The following MLXIP variants were observed in gnomAD, a reference collection of about 807,000 sequenced individuals.
MLXIP encodes MLX interacting protein.
Under a neutral mutation model 87.2 loss-of-function variants are expected in MLXIP, and 30 were observed. That is an observed-to-expected ratio of 0.34 (90% CI 0.26 to 0.47). The LOEUF is 0.47. MLXIP is among the 20% of genes least tolerant of loss of function. MLXIP has a pLI of 1.00. For missense variants in MLXIP, 1,002 were observed against 1,240.1 expected (o/e 0.81, Z 2.88); for synonymous variants, 530 against 514.0 (o/e 1.03, Z -0.42).
At chr12:122,129,847 C>G in intron 5 of MLXIP, 94 bp from the exon 6 acceptor site, 2 of 1,487,802 alleles carry the variant, frequency 1.3e-6, no homozygotes, top group Non-Finnish European at 1.8e-6. Flanking sequence ...CACTGAGCAC[C>G]CCTTTGACGA....
chr12:122,116,019 C>A (rs28565123), intron 1 of MLXIP, among the ~76,000 whole-genome samples: 21,386 of 151,032 alleles, frequency 0.14, 1,926 homozygotes, highest in Non-Finnish European at 0.21. Flanking sequence ...CTGCTGCAAT[C>A]CAGCCTGGGT....
chr12:122,129,479 G>T lies in MLXIP; in HGVS notation c.697-109G>T. 3.1e-6 allele frequency: 4 copies of T among 1,270,304 alleles called. No homozygotes were observed. In the South Asian group the frequency reaches 5.1e-5, roughly 16 times the overall value. The allele number at this position is 1,270,304 out of a possible 1,614,324, so 78.7% of individuals were successfully genotyped here. On this transcript the variant is annotated intron_variant, in intron 4 of 16. Transcript: ENST00000319080. ...TTTGTGCAGGCATCGGCCTGGGGAT[G>T]GTGTGAGCAGGACCCCTACCTGCCT...
Position 122,133,417 on chromosome 12 carries a change from G to A in MLXIP, c.1162G>A (p.Ala388Thr), listed in dbSNP as rs753973791. The A allele has an allele frequency of 9.9e-6, 16 of 1,608,416 alleles. No individual in the cohort carries two copies. The highest frequency in any genetic ancestry group is 2.2e-5 in the East Asian group (1 of 44,684). Residue 388 changes from alanine to threonine, a missense_variant, in exon 9 of 17, where the codon GCC (alanine) becomes ACC (threonine). Physicochemically the swap from Ala to Thr is moderately conservative, Grantham distance 58. Coordinates refer to ENST00000319080, the MANE Select transcript of MLXIP (RefSeq NM_014938.6). The surrounding 1 kb of genome is among the most constrained non-coding windows in gnomAD (Gnocchi z 4.9). ...LPDSLIAPPT[A>T]PSLAHMDEQG... The stretch of plus-strand genomic sequence containing the variant: ...TGACAGCCTCATCGCGCCCCCTACC[G>A]CCCCATCCCTGGCTCACATGGATGA...
rs1290534935 is a variant in MLXIP, at chr12:122,145,320, T to G, written c.*3508T>G. ...TCAGCCGTCAGCCAGCCCTCCCATT[T>G]CCCGCCCATGGGCCCTGACCACACT... On this transcript the variant is annotated 3_prime_UTR_variant, in exon 17 of 17. Coordinates refer to ENST00000319080, the MANE Select transcript of MLXIP (RefSeq NM_014938.6). The G allele has an allele frequency of 2.0e-5, 3 of 152,272 alleles. No individual in the cohort carries two copies. The highest frequency in any genetic ancestry group is 2.9e-5 in the Non-Finnish European group (2 of 68,100). 9.4% of individuals were successfully genotyped at this position (152,272 alleles called of 1,614,324 possible). A position where few individuals can be genotyped will look rare whatever the true frequency, so the allele number is the denominator to read the frequency against.
At chr12:122,095,757 A>G (rs1465477545) in intron 1 of MLXIP, among the ~76,000 whole-genome samples, 6 of 152,090 alleles carry the variant, frequency 3.9e-5, no homozygotes, top group African/African-American at 7.2e-5. Context: ...TAAAAATTAC[A>G]ACACCCAGAG....
At position 122,135,710 on chromosome 12, in the gene MLXIP, G is replaced by A; in HGVS notation, c.2032+44G>A. ...GGATGGTTGGGGCATCGCAAGGGAA[G>A]TAACTGGGCCTGCCGTAGACCATGG... On this transcript the variant is annotated intron_variant, in intron 11 of 16. Coordinates refer to ENST00000319080, the MANE Select transcript of MLXIP (RefSeq NM_014938.6). This position sits in a 1 kb window ranked among gnomAD's most constrained non-coding sequence, Gnocchi z 5.3. 1.4e-6 allele frequency: 2 copies of A among 1,454,522 alleles called. No individual in the cohort carries two copies. The highest frequency in any genetic ancestry group is 1.8e-6 in the Non-Finnish European group (2 of 1,105,738). The allele number at this position is 1,454,522 out of a possible 1,614,324, so 90.1% of individuals were successfully genotyped here.
chr12:122,129,489 G>A, intron 4 of MLXIP, 99 bp from the exon 5 acceptor site: 1 of 1,394,118 alleles, frequency 7.2e-7, no homozygotes, highest in South Asian at 1.2e-5. Context: ...GGTGTGAGCA[G>A]GACCCCTACC....
chr12:122,138,443 T>A lies in MLXIP; in HGVS notation c.2276T>A (p.Leu759Gln). 2.5e-6 allele frequency: 4 copies of A among 1,613,842 alleles called. No homozygotes were observed. The highest frequency in any genetic ancestry group is 3.4e-6 in the Non-Finnish European group (4 of 1,179,878). Residue 759 changes from leucine to glutamine, a missense_variant, in exon 14 of 17, where the codon CTG becomes CAG. Around this residue, in one of 3 missense-constraint regions of MLXIP, gnomAD observed 746 missense variants for 897.0 expected, o/e 0.83. Coordinates refer to ENST00000319080, the MANE Select transcript of MLXIP (RefSeq NM_014938.6). ...NSKLTSHAIT[L>Q]QKTVEYITKL... ...CTGCAGACCAGTCACGCCATCACAC[T>A]GCAGAAGACTGTGGAGTACATCACC...
chr12:122,091,549 A>C (rs1347281439), intron 1 of MLXIP, among the ~76,000 whole-genome samples: 1 of 152,166 alleles, frequency 6.6e-6, no homozygotes, highest in Non-Finnish European at 1.5e-5. Flanking sequence ...AAAAACAACA[A>C]AACAAAAAAA....
rs566392886 is a variant in MLXIP, at chr12:122,112,074, T to C, written c.414-15182T>C. On this transcript the variant is annotated intron_variant, in intron 1 of 16. Coordinates refer to ENST00000319080, the MANE Select transcript of MLXIP (RefSeq NM_014938.6). ...AAAAGATGATGGGTGCTAACCTTAC[T>C]TAGATAGTAAAGTATAGCACAGAGT... is the stretch of plus-strand genomic sequence containing the variant. Among the ~76,000 whole-genome samples, 164 of 152,348 alleles carry C rather than the reference T, an allele frequency of 1.1e-3. 1 individual carries two copies. The highest frequency in any genetic ancestry group is 3.8e-3 in the African/African-American group (159 of 41,584).
rs1441019252 is a variant in MLXIP, at chr12:122,146,936, C to T, written c.*5124C>T. 6.6e-6 allele frequency: 1 copy of T among 152,254 alleles called. No individual in the cohort carries two copies. The highest frequency in any genetic ancestry group is 1.5e-5 in the Non-Finnish European group (1 of 68,074). The allele number at this position is 152,254 out of a possible 1,614,324, so 9.4% of individuals were successfully genotyped here. On this transcript the variant is annotated 3_prime_UTR_variant, in exon 17 of 17. Transcript: ENST00000319080. ...CGGGCCCCACAGCTCCAGGCCATCC[C>T]CTACGGGCTGCCCACAGTGCCCCCT...
rs571739347 is a variant in MLXIP, at chr12:122,119,682, C to T, written c.414-7574C>T. Reference sequence around the variant, plus strand: ...CTGGGATTACAGGCGTGAGCCACCGCGCCTGGCGATATGCCAGTTTTGACT... The same window carrying T: ...CTGGGATTACAGGCGTGAGCCACCGTGCCTGGCGATATGCCAGTTTTGACT... On this transcript the variant is annotated intron_variant, in intron 1 of 16. Transcript: ENST00000319080. Among the ~76,000 whole-genome samples, 12 of 152,314 alleles carry T rather than the reference C, an allele frequency of 7.9e-5. No individual in the cohort carries two copies. The East Asian group carries it at 1.4e-3, about 17-fold the overall frequency.
At chr12:122,134,941 T>C in intron 9 of MLXIP, 1 of 390,966 alleles carries the variant, frequency 2.6e-6, no homozygotes, top group Non-Finnish European at 4.9e-6. Flanking sequence ...CCCAAGGTGC[T>C]GGGATTACAG....
At chr12:122,083,187 G>A (rs1178119969) in intron 1 of MLXIP, among the ~76,000 whole-genome samples, 2 of 152,020 alleles carry the variant, frequency 1.3e-5, no homozygotes, top group Non-Finnish European at 2.9e-5. Flanking sequence ...CCATTTCTTT[G>A]CCTTTTTAGA....
In MLXIP at chr12:122,135,998, T is replaced by A. The variant is rs1388369202; in HGVS notation, c.2032+332T>A. 3.6e-5 allele frequency: 9 copies of A among 252,232 alleles called. No homozygotes were observed. Among genetic ancestry groups the A allele is most frequent in the Non-Finnish European group, 6.8e-5 (9 of 131,392 alleles). The allele number at this position is 252,232 out of a possible 1,614,324, so 15.6% of individuals were successfully genotyped here. A position where few individuals can be genotyped will look rare whatever the true frequency, so the allele number is the denominator to read the frequency against. On this transcript the variant is annotated intron_variant, in intron 11 of 16. Coordinates refer to ENST00000319080, the MANE Select transcript of MLXIP (RefSeq NM_014938.6). This position sits in a 1 kb window ranked among gnomAD's most constrained non-coding sequence, Gnocchi z 5.3. ...AGGGATTGAGGAGCCCTGGGCTTCC[T>A]GTCTCTGGGAGCATCAGCCTGGGGT...
intron 1 of MLXIP, among the ~76,000 whole-genome samples, chr12:122,081,085 AT>A (rs1215699389): frequency 0.012 from 1,861 of 149,448 alleles, 27 homozygotes; most frequent in African/African-American, 0.044. Flanking sequence ...TAGTAATGGC[AT>A]TTTTTTTTTC....
At chr12:122,110,411 G>A (rs550590463) in intron 1 of MLXIP, among the ~76,000 whole-genome samples, 4 of 151,902 alleles carry the variant, frequency 2.6e-5, no homozygotes, top group Non-Finnish European at 1.5e-5. Context: ...CCTCAGCCTC[G>A]TGAGTAGCTG....
intron 13 of MLXIP, 38 bp downstream of exon 13, chr12:122,138,333 G>T: frequency 6.2e-7 from 1 of 1,612,056 alleles, no homozygotes; most frequent in Non-Finnish European, 8.5e-7. Flanking sequence ...CAGGGCAGGG[G>T]AGCTGGCAGG....
chr12:122,093,095 TG>T (rs1952272658), intron 1 of MLXIP, among the ~76,000 whole-genome samples: 1 of 149,200 alleles, frequency 6.7e-6, no homozygotes, highest in African/African-American at 2.5e-5. Context: ...TGTGTTGGTG[TG>T]TGGTGTGTGT....
Sources: allele counts gnomAD v4.1 joint callset (sites outside exome capture counted in the v4.1 genomes callset), GRCh38; gene constraint gnomAD v4.1.1; regional missense constraint gnomAD v4.1.1; non-coding constraint Gnocchi (gnomAD v3.1); transcripts MANE v1.5; gene names NCBI Gene and HGNC (gene_info 2026-07-23, HGNC 2026-07-21).